UVRAG: variants seen among roughly 807,000 people sequenced by gnomAD.
The protein encoded by UVRAG is UV radiation resistance-associated gene protein.
Under a neutral mutation model 78.0 loss-of-function variants are expected in UVRAG, and 19 were observed. That is an observed-to-expected ratio of 0.24 (90% confidence interval 0.17 to 0.36). The LOEUF (loss-of-function observed/expected upper bound fraction) is 0.36. Among genes scored for constraint, UVRAG ranks in the 10% least tolerant of loss-of-function variants. UVRAG has a pLI of 1.00. For missense variants in UVRAG, 740 were observed against 853.8 expected, an observed-to-expected ratio of 0.87 and a Z score of 1.66; for synonymous variants, 323 against 324.6, an observed-to-expected ratio of 1.00 and a Z score of 0.05.
At chr11:75,926,506 A>G (rs959940990) in intron 6 of UVRAG, among the ~76,000 whole-genome samples, 9 of 152,230 alleles carry the variant, frequency 5.9e-5, no homozygotes, top group African/African-American at 2.2e-4. Context: ...TGGGGAGAAC[A>G]TCTGGAGATT....
intron 3 of UVRAG, among the ~76,000 whole-genome samples, chr11:75,866,376 T>C (rs1168411322): frequency 6.7e-6 from 1 of 150,238 alleles, no homozygotes; most frequent in Non-Finnish European, 1.5e-5. Context: ...AATAAATAAA[T>C]AAATAAAATA....
At chr11:76,138,108 A>G (rs1952632288) in intron 14 of UVRAG, among the ~76,000 whole-genome samples, 1 of 152,192 alleles carries the variant, frequency 6.6e-6, no homozygotes, top group South Asian at 2.1e-4. Flanking sequence ...CATCCATGAA[A>G]AGAGGAATAA....
intron 7 of UVRAG, among the ~76,000 whole-genome samples, chr11:75,968,874 C>A (rs1191977150): frequency 6.6e-6 from 1 of 152,154 alleles, no homozygotes; most frequent in East Asian, 1.9e-4. Context: ...TGTAAGAACA[C>A]CTTAGGCTTC....
chr11:76,083,215 C>T (rs1196785703), intron 13 of UVRAG, among the ~76,000 whole-genome samples: 2 of 151,968 alleles, frequency 1.3e-5, no homozygotes, highest in African/African-American at 4.8e-5. Flanking sequence ...TGTTATTATC[C>T]TCATTTTACA....
intron 6 of UVRAG, among the ~76,000 whole-genome samples, chr11:75,955,951 T>G (rs998485137): frequency 2.0e-5 from 3 of 152,168 alleles, no homozygotes; most frequent in Admixed American, 1.3e-4. Context: ...CTCTTCTCCC[T>G]ATGTTAGTCC....
At chr11:75,828,653 G>C (rs1171171163) in intron 1 of UVRAG, among the ~76,000 whole-genome samples, 2 of 143,748 alleles carry the variant, frequency 1.4e-5, no homozygotes, top group Non-Finnish European at 3.0e-5. Context: ...TAATTTATAT[G>C]AATATAAATA....
chr11:76,071,614 A>G (rs1365153640), intron 13 of UVRAG, among the ~76,000 whole-genome samples: 2 of 152,140 alleles, frequency 1.3e-5, no homozygotes, highest in African/African-American at 4.8e-5. Flanking sequence ...CATTCTAGCT[A>G]CTTTAATGGA....
intron 2 of UVRAG, among the ~76,000 whole-genome samples, chr11:75,856,051 G>A (rs1351916935): frequency 3.3e-5 from 5 of 151,694 alleles, no homozygotes; most frequent in Non-Finnish European, 5.9e-5. Context: ...GTGCAGTGGC[G>A]CGATTCCAGC....
intron 13 of UVRAG, among the ~76,000 whole-genome samples, chr11:76,091,866 G>C (rs1214321922): frequency 6.6e-6 from 1 of 151,778 alleles, no homozygotes; most frequent in African/African-American, 2.4e-5. Context: ...TTAAGTTCTA[G>C]GGTACATGTC....
rs1177173192 is a variant in UVRAG, at chr11:76,141,747, TATATAAATA to T, written c.*341_*349del. On this transcript the variant is annotated 3_prime_UTR_variant, in exon 15 of 15. Transcript: ENST00000356136. ...GTTATCCTCAGAGGGAAGATGATAA[TATATAAATA>T]ATATAATGAACACACCCTTAGTTTC... 1.1e-5 allele frequency: 3 copies of T among 266,472 alleles called. No individual in the cohort carries two copies. In the South Asian group the frequency reaches 1.7e-4, roughly 15 times the overall value. 16.5% of individuals were successfully genotyped at this position (266,472 alleles called of 1,614,324 possible).
Position 76,008,894 on chromosome 11 carries a change from T to A in UVRAG, c.1060+27T>A, listed in dbSNP as rs1390196111. On this transcript the variant is annotated intron_variant, in intron 11 of 14. Transcript: ENST00000356136. Reference sequence around the variant, plus strand: ...TATTTTATTTTTTATTTTGAAGATTTGTTATATATTAATATATGGAAATAG... The same window carrying A: ...TATTTTATTTTTTATTTTGAAGATTAGTTATATATTAATATATGGAAATAG... 7 of 1,244,196 alleles carry A rather than the reference T, an allele frequency of 5.6e-6. No individual in the cohort carries two copies. The East Asian group carries it at 1.8e-4, about 32-fold the overall frequency. The allele number at this position is 1,244,196 out of a possible 1,614,324, so 77.1% of individuals were successfully genotyped here.
At chr11:75,986,180 C>T (rs964194227) in intron 8 of UVRAG, among the ~76,000 whole-genome samples, 9 of 152,082 alleles carry the variant, frequency 5.9e-5, no homozygotes, top group Non-Finnish European at 1.2e-4. Context: ...TTGAGGCTTC[C>T]TTCCCAAGAA....
chr11:76,017,586 C>G (rs931321677), intron 12 of UVRAG, among the ~76,000 whole-genome samples: 1 of 151,890 alleles, frequency 6.6e-6, no homozygotes, highest in African/African-American at 2.4e-5. Flanking sequence ...GAAAACATAC[C>G]TGGGGAAATT....
chr11:75,981,867 TC>T (rs1368043260), intron 7 of UVRAG, among the ~76,000 whole-genome samples: 1 of 152,158 alleles, frequency 6.6e-6, no homozygotes, highest in Non-Finnish European at 1.5e-5. Flanking sequence ...TTCTAAAATT[TC>T]CATTTGGTTC....
intron 3 of UVRAG, among the ~76,000 whole-genome samples, chr11:75,870,056 G>A (rs973613057): frequency 1.3e-5 from 2 of 152,188 alleles, no homozygotes; most frequent in East Asian, 1.9e-4. Context: ...GAAATTGGGC[G>A]GGTATGTATA....
At chr11:76,091,157 A>G (rs925248589) in intron 13 of UVRAG, among the ~76,000 whole-genome samples, 6 of 152,166 alleles carry the variant, frequency 3.9e-5, no homozygotes, top group African/African-American at 1.4e-4. Context: ...GCTGGAAACA[A>G]TTTTCCTTAA....
chr11:76,113,283 CAT>C (rs1476127566), intron 13 of UVRAG, among the ~76,000 whole-genome samples: 1 of 151,934 alleles, frequency 6.6e-6, no homozygotes, highest in Non-Finnish European at 1.5e-5. Context: ...GTCAAGTTCT[CAT>C]ATTCTTTAAG....
Position 75,918,298 on chromosome 11 carries a change from G to A in UVRAG, c.593+6259G>A, listed in dbSNP as rs1412892758. On this transcript the variant is annotated intron_variant, in intron 6 of 14. Transcript: ENST00000356136. ...AGAGGCTAAGGCAGGAGAATGGCGTGAACCCAGGAGCAGAGCTTGCAGTGA... is the reference window on the plus strand; with the variant it reads ...AGAGGCTAAGGCAGGAGAATGGCGTAAACCCAGGAGCAGAGCTTGCAGTGA... 2.7e-5 allele frequency among the ~76,000 whole-genome samples: 4 copies of A among 150,930 alleles called. No individual in the cohort carries two copies. The East Asian group carries it at 7.8e-4, about 29-fold the overall frequency.
At chr11:76,138,172 A>C (rs1319605866) in intron 14 of UVRAG, among the ~76,000 whole-genome samples, 1 of 152,244 alleles carries the variant, frequency 6.6e-6, no homozygotes, top group Non-Finnish European at 1.5e-5. Context: ...CTTGATGTGT[A>C]CTATGTCTTT....
Sources: gnomAD v4.1 joint callset for allele counts (sites outside exome capture counted in the v4.1 genomes callset) on GRCh38, gnomAD v4.1.1 for gene constraint, MANE v1.5 for transcripts, NCBI Gene and HGNC (gene_info 2026-07-23, HGNC 2026-07-21) for gene names.